DLG2: variants seen among roughly 807,000 people sequenced by gnomAD.
The protein encoded by DLG2 is discs large MAGUK scaffold protein 2.
Under a neutral mutation model 132.5 loss-of-function variants are expected in DLG2, and 45 were observed. That is an observed-to-expected ratio of 0.34 (90% CI 0.27 to 0.44). DLG2 has a LOEUF of 0.44. Ranked by LOEUF, DLG2 falls within the 20% of genes least tolerant of loss-of-function variation. DLG2 has a pLI of 1.00. For synonymous variants in DLG2, 424 were observed against 419.6 expected (o/e 1.01, Z -0.13); for missense variants, 1,045 against 1,196.9 (o/e 0.87, Z 1.87).
chr11:85,419,400 T>C (rs1175577935), intron 3 of DLG2, among the ~76,000 whole-genome samples: 1 of 152,224 alleles, frequency 6.6e-6, no homozygotes, highest in Non-Finnish European at 1.5e-5. Flanking sequence ...CGATTATGTG[T>C]CTTGGGATTG....
intron 7 of DLG2, among the ~76,000 whole-genome samples, chr11:84,486,425 AC>A (rs1658619718): frequency 6.6e-6 from 1 of 152,060 alleles, no homozygotes; most frequent in Non-Finnish European, 1.5e-5. Context: ...TGAGCTGACC[AC>A]CTAGGCCAAA....
chr11:85,399,914 A>T (rs2087868933), intron 3 of DLG2, among the ~76,000 whole-genome samples: 1 of 152,180 alleles, frequency 6.6e-6, no homozygotes. Flanking sequence ...TGGCAACAAA[A>T]GCCAAAATTG....
intron 7 of DLG2, among the ~76,000 whole-genome samples, chr11:84,374,097 G>A (rs1239970630): frequency 6.6e-6 from 1 of 152,098 alleles, no homozygotes; most frequent in African/African-American, 2.4e-5. Context: ...CAAATAGCTT[G>A]CTTGATATGT....
intron 18 of DLG2, among the ~76,000 whole-genome samples, chr11:83,643,394 G>A (rs2067173096): frequency 6.6e-6 from 1 of 152,148 alleles, no homozygotes; most frequent in East Asian, 1.9e-4. Flanking sequence ...TTGAGTGAAA[G>A]TGCCAGAGTG....
chr11:83,883,083 C>T lies in DLG2; in HGVS notation c.1497-8595G>A, dbSNP rs1440164442. ...CAGCATGCTTGATTTCTTAATTGCC[C>T]ACAATTTTAACTTTAAACAAATTAT... On this transcript the variant is annotated intron_variant, in intron 15 of 27. Transcript: ENST00000376104. 1.3e-5 allele frequency among the ~76,000 whole-genome samples: 2 copies of T among 152,172 alleles called. 1 individual carries two copies. The highest frequency in any genetic ancestry group is 3.8e-4 in the East Asian group (2 of 5,204).
chr11:83,634,259 A>C (rs7945002), intron 18 of DLG2, among the ~76,000 whole-genome samples: 7,610 of 152,192 alleles, frequency 0.05, 667 homozygotes, highest in African/African-American at 0.17. Context: ...GTATATTATA[A>C]CATTGCTATT....
intron 7 of DLG2, among the ~76,000 whole-genome samples, chr11:84,438,284 T>C (rs1347308942): frequency 1.3e-5 from 2 of 152,146 alleles, no homozygotes; most frequent in Non-Finnish European, 2.9e-5. Context: ...AAGGGCAAAG[T>C]GAGCAGGATG....
At position 84,927,951 on chromosome 11, in the gene DLG2, C is replaced by T. The variant is rs185617214; in HGVS notation, c.357+183710G>A. On this transcript the variant is annotated intron_variant, in intron 6 of 27. Transcript: ENST00000376104. ...TGGCTCAGGTATCTGTGTTAACAAG[C>T]CCTCCAGGTGATTTTCAAGTAAGCT... Among the ~76,000 whole-genome samples, 171 of 151,966 alleles carry T rather than the reference C, an allele frequency of 1.1e-3. 1 individual carries two copies. The highest frequency in any genetic ancestry group is 3.9e-3 in the African/African-American group (160 of 41,514).
intron 6 of DLG2, among the ~76,000 whole-genome samples, chr11:84,659,835 A>G (rs1401909686): frequency 2.0e-5 from 3 of 152,186 alleles, no homozygotes; most frequent in African/African-American, 7.2e-5. Flanking sequence ...ACTCAGTGAA[A>G]GCTGTTATAT....
chr11:83,782,411 T>G (rs1409734388), intron 18 of DLG2, among the ~76,000 whole-genome samples: 1 of 152,190 alleles, frequency 6.6e-6, no homozygotes, highest in Non-Finnish European at 1.5e-5. Context: ...CAGCTCCTAG[T>G]GCTGTCTAGG....
At chr11:84,960,685 C>T (rs929263287) in intron 6 of DLG2, among the ~76,000 whole-genome samples, 2 of 151,992 alleles carry the variant, frequency 1.3e-5, no homozygotes, top group African/African-American at 4.8e-5. Flanking sequence ...GCAATCCACC[C>T]GCCTTGGCTT....
intron 6 of DLG2, among the ~76,000 whole-genome samples, chr11:84,979,550 C>T (rs1008665606): frequency 3.3e-5 from 5 of 151,996 alleles, no homozygotes; most frequent in East Asian, 1.9e-4. Context: ...AGCAAACTAT[C>T]GCAAGGACAA....
intron 8 of DLG2, among the ~76,000 whole-genome samples, chr11:84,169,700 C>T (rs1436374430): frequency 6.6e-6 from 1 of 151,922 alleles, no homozygotes; most frequent in African/African-American, 2.4e-5. Context: ...TGATAAAACC[C>T]CATCTCTACT....
chr11:84,266,916 A>G (rs1198004637), intron 7 of DLG2, among the ~76,000 whole-genome samples: 1 of 152,230 alleles, frequency 6.6e-6, no homozygotes, highest in Non-Finnish European at 1.5e-5. Context: ...CATACTTGGC[A>G]CTGCAGAAAG....
At chr11:85,153,837 T>C (rs183015417) in intron 5 of DLG2, among the ~76,000 whole-genome samples, 59 of 152,258 alleles carry the variant, frequency 3.9e-4, no homozygotes, top group South Asian at 2.5e-3. Flanking sequence ...AGGATCACAT[T>C]AAAATTTCAA....
intron 6 of DLG2, among the ~76,000 whole-genome samples, chr11:84,887,982 TGAA>T (rs950988169): frequency 6.6e-6 from 1 of 152,264 alleles, no homozygotes; most frequent in African/African-American, 2.4e-5. Context: ...ATTTGAGAGT[TGAA>T]GAAGTTTCTC....
chr11:84,598,928 A>T (rs999290358), intron 6 of DLG2, among the ~76,000 whole-genome samples: 3 of 151,718 alleles, frequency 2.0e-5, no homozygotes. Flanking sequence ...TGGGTGGCAG[A>T]GTGAGACCCT....
At chr11:84,729,038 C>A (rs1477485292) in intron 6 of DLG2, among the ~76,000 whole-genome samples, 2 of 152,116 alleles carry the variant, frequency 1.3e-5, no homozygotes, top group Non-Finnish European at 2.9e-5. Context: ...AAAAACCCAG[C>A]TCCTGGATTC....
At chr11:84,464,828 G>T (rs1430951) in intron 7 of DLG2, among the ~76,000 whole-genome samples, 1 of 150,798 alleles carries the variant, frequency 6.6e-6, no homozygotes, top group African/African-American at 2.4e-5. Flanking sequence ...ATACAAATAT[G>T]TAGTAATTAA....
Sources: allele counts gnomAD v4.1 joint callset (sites outside exome capture counted in the v4.1 genomes callset), GRCh38; gene constraint gnomAD v4.1.1; transcripts MANE v1.5; gene names NCBI Gene and HGNC (gene_info 2026-07-23, HGNC 2026-07-21).